The following AKAP6 variants were observed in gnomAD, a reference collection of about 807,000 sequenced individuals.
The protein encoded by AKAP6 is A-kinase anchor protein 6.
AKAP6 carries 58 observed loss-of-function variants against 188.5 expected under a neutral mutation model. The ratio of observed to expected loss-of-function variants is 0.31; its 90% CI spans 0.25 to 0.38. AKAP6 has a LOEUF of 0.38. AKAP6 is among the 10% of genes least tolerant of loss of function. AKAP6 has a pLI of 1.00. For missense variants in AKAP6, 2,710 were observed against 2,740.0 expected (o/e 0.99, Z 0.24); for synonymous variants, 989 against 998.6 (o/e 0.99, Z 0.18).
intron 3 of AKAP6, among the ~76,000 whole-genome samples, chr14:32,539,463 G>A (rs1165003492): frequency 6.6e-6 from 1 of 152,034 alleles, no homozygotes; most frequent in Admixed American, 6.6e-5. Context: ...GTTAGTTCCA[G>A]ATTATATTCA....
chr14:32,836,372 G>T lies in AKAP6; in HGVS notation c.*6567G>T, dbSNP rs1452438852. The T allele has an allele frequency of 6.6e-6, 1 of 152,050 alleles. No individual in the cohort carries two copies. Among genetic ancestry groups the T allele is most frequent in the African/African-American group, 2.4e-5 (1 of 41,398 alleles). The allele number at this position is 152,050 out of a possible 1,614,324, so 9.4% of individuals were successfully genotyped here. A position where few individuals can be genotyped will look rare whatever the true frequency, so the allele number is the denominator to read the frequency against. ...ACAAGCTCCCTTGGGCCCCTTTTAC[G>T]AAAGCACTAATTCCATTCATGAAGA... On this transcript the variant is annotated 3_prime_UTR_variant, in exon 14 of 14. Transcript: ENST00000280979.
At chr14:32,505,594 G>A (rs144684643) in intron 2 of AKAP6, among the ~76,000 whole-genome samples, 5 of 152,152 alleles carry the variant, frequency 3.3e-5, no homozygotes, top group Non-Finnish European at 5.9e-5. Flanking sequence ...GGGAAAATTA[G>A]TAATACTTAT....
chr14:32,513,042 C>T (rs560867443), intron 2 of AKAP6, among the ~76,000 whole-genome samples: 4 of 152,094 alleles, frequency 2.6e-5, no homozygotes, highest in Non-Finnish European at 5.9e-5. Flanking sequence ...CTTTACTCCC[C>T]CAGTAATTAC....
At chr14:32,498,282 G>A (rs1399563171) in intron 2 of AKAP6, among the ~76,000 whole-genome samples, 2 of 152,086 alleles carry the variant, frequency 1.3e-5, no homozygotes, top group African/African-American at 2.4e-5. Flanking sequence ...GGTGCATGCT[G>A]GCTGAATATC....
In AKAP6 at chr14:32,746,670, C is replaced by T. The variant is rs1332105054; in HGVS notation, c.3372+10788C>T. Among the ~76,000 whole-genome samples, 4 of 152,250 alleles carry T rather than the reference C, an allele frequency of 2.6e-5. No individual in the cohort carries two copies. The South Asian group carries it at 8.3e-4, about 32-fold the overall frequency. On this transcript the variant is annotated intron_variant, in intron 11 of 13. Coordinates refer to ENST00000280979, the MANE Select transcript of AKAP6 (RefSeq NM_004274.5). ...CCATCCGCTATTATGGATGAGAACACTGAGGTGGGGAAAATTGAAGTAACT... is the reference window on the plus strand; with the variant it reads ...CCATCCGCTATTATGGATGAGAACATTGAGGTGGGGAAAATTGAAGTAACT...
chr14:32,420,645 G>A (rs988763669), intron 1 of AKAP6, among the ~76,000 whole-genome samples: 19 of 152,046 alleles, frequency 1.2e-4, no homozygotes, highest in Admixed American at 9.8e-4. Context: ...TCTCTTCTGA[G>A]TATGTTCATT....
chr14:32,433,360 T>G (rs1425402572), intron 1 of AKAP6, 100 bp from the exon 2 acceptor site: 1 of 824,884 alleles, frequency 1.2e-6, no homozygotes, highest in Non-Finnish European at 1.9e-6. Flanking sequence ...AATTTAGAAA[T>G]CTGGCTTAAT....
Position 32,545,444 on chromosome 14 carries a change from A to G in AKAP6, c.791A>G (p.Glu264Gly). Reference protein sequence around the residue: ...DSWSYSEMEKEFPELIRSVGL... With the variant: ...DSWSYSEMEKGFPELIRSVGL... ...TGGAGCTACAGTGAGATGGAAAAGG[A>G]GTTTCCTGAGCTTATCCGAAGTGTT... is the stretch of plus-strand genomic sequence containing the variant. Residue 264 changes from glutamate (E) to glycine (G), a missense_variant, in exon 4 of 14, where the codon GAG becomes GGG. Coordinates refer to ENST00000280979, the MANE Select transcript of AKAP6 (RefSeq NM_004274.5). 6.2e-7 allele frequency: 1 copy of G among 1,614,172 alleles called. No homozygotes were observed. The highest frequency in any genetic ancestry group is 8.5e-7 in the Non-Finnish European group (1 of 1,180,024).
At chr14:32,641,723 G>A (rs1453441306) in intron 7 of AKAP6, among the ~76,000 whole-genome samples, 4 of 152,066 alleles carry the variant, frequency 2.6e-5, no homozygotes, top group Non-Finnish European at 5.9e-5. Context: ...CTTAAGGAAA[G>A]GCCAGTTTAT....
At chr14:32,650,833 T>G (rs1222309766) in intron 7 of AKAP6, among the ~76,000 whole-genome samples, 1 of 152,174 alleles carries the variant, frequency 6.6e-6, no homozygotes, top group Non-Finnish European at 1.5e-5. Flanking sequence ...AAAACCTGTT[T>G]AAAAGACTTG....
chr14:32,805,464 G>A (rs1389043391), intron 12 of AKAP6, among the ~76,000 whole-genome samples: 2 of 152,184 alleles, frequency 1.3e-5, no homozygotes, highest in Admixed American at 6.5e-5. Flanking sequence ...GAGAACTATA[G>A]GCTATTTGCC....
chr14:32,582,288 A>G (rs1358664611), intron 5 of AKAP6, among the ~76,000 whole-genome samples: 1 of 152,168 alleles, frequency 6.6e-6, no homozygotes, highest in Non-Finnish European at 1.5e-5. Flanking sequence ...TTCTGAGTTG[A>G]AAACTCTTTT....
At chr14:32,791,982 C>A (rs2033624055) in intron 12 of AKAP6, among the ~76,000 whole-genome samples, 1 of 152,016 alleles carries the variant, frequency 6.6e-6, no homozygotes, top group African/African-American at 2.4e-5. Flanking sequence ...TGGTCTATAT[C>A]TCTGTTTTGG....
intron 7 of AKAP6, among the ~76,000 whole-genome samples, chr14:32,660,763 A>T (rs1888653159): frequency 6.6e-6 from 1 of 152,110 alleles, no homozygotes. Context: ...CACAGAGAAT[A>T]TGGAAATGCT....
At chr14:32,530,559 C>G (rs905033304) in intron 2 of AKAP6, among the ~76,000 whole-genome samples, 1 of 152,042 alleles carries the variant, frequency 6.6e-6, no homozygotes, top group South Asian at 2.1e-4. Flanking sequence ...ACAGGGAAAC[C>G]TTTAAGATGT....
chr14:32,732,911 TAC>T, intron 10 of AKAP6: 1 of 525,176 alleles, frequency 1.9e-6, no homozygotes, highest in East Asian at 3.1e-5. Flanking sequence ...ATCTGATATA[TAC>T]TGACTGTCAT....
At chr14:32,599,031 T>G (rs377003459) in intron 5 of AKAP6, among the ~76,000 whole-genome samples, 3 of 152,300 alleles carry the variant, frequency 2.0e-5, no homozygotes, top group East Asian at 1.9e-4. Flanking sequence ...ATGCTGCCAA[T>G]TTTTTATGGT....
intron 12 of AKAP6, among the ~76,000 whole-genome samples, chr14:32,797,271 T>C (rs2033799469): frequency 6.6e-6 from 1 of 152,178 alleles, no homozygotes; most frequent in African/African-American, 2.4e-5. Context: ...GCAATCCTAT[T>C]ACTGTGTATA....
In AKAP6 at chr14:32,732,518, C is replaced by T. The variant is rs374526507; in HGVS notation, c.3065C>T (p.Ala1022Val). ...ACGGAGCTGCTTAGTAAGGTTGAAG[C>T]TTTGAAGAAAGGTGGCGTTTTACTA... The part of the protein sequence containing the change: ...KKTELLSKVE[A>V]LKKGGVLLPN... Residue 1022 changes from alanine to valine, a missense_variant, in exon 10 of 14, where the codon GCT becomes GTT. By Grantham distance (64) the Ala-to-Val change is moderately conservative (BLOSUM62 0). Transcript: ENST00000280979. 2.3e-4 allele frequency: 367 copies of T among 1,613,342 alleles called. No homozygotes were observed. Among genetic ancestry groups the T allele is most frequent in the Non-Finnish European group, 3.0e-4 (356 of 1,179,648 alleles).
Sources: gnomAD v4.1 joint callset for allele counts (sites outside exome capture counted in the v4.1 genomes callset) on GRCh38, gnomAD v4.1.1 for gene constraint, MANE v1.5 for transcripts, NCBI Gene and HGNC (gene_info 2026-07-23, HGNC 2026-07-21) for gene names.